TRIM58: variants seen among roughly 807,000 people sequenced by gnomAD.
TRIM58 encodes tripartite motif containing 58, also known as E3 ubiquitin-protein ligase TRIM58.
A neutral mutation model predicts 34.1 loss-of-function variants in TRIM58; 38 were observed. That is an observed-to-expected ratio of 1.12 (90% CI 0.86 to 1.46). The LOEUF (loss-of-function observed/expected upper bound fraction) is 1.46, where lower values mean the gene tolerates loss of function less well. Among genes scored for constraint, TRIM58 ranks in the 40% most tolerant of loss-of-function variants. The pLI, the probability that TRIM58 is intolerant of heterozygous loss-of-function variation, is 0.00. For synonymous variants in TRIM58, 273 were observed against 275.7 expected, an observed-to-expected ratio of 0.99 and a Z score of 0.10; for missense variants, 677 against 642.0, an observed-to-expected ratio of 1.05 and a Z score of -0.59.
chr1:247,861,225 G>A (rs894047345), intron 2 of TRIM58, among the ~76,000 whole-genome samples: 7 of 151,652 alleles, frequency 4.6e-5, no homozygotes, highest in African/African-American at 7.3e-5. Context: ...GCACATGTGC[G>A]TGCACACGTG....
chr1:247,869,501 A>G (rs762999815), intron 5 of TRIM58, among the ~76,000 whole-genome samples: 54 of 152,396 alleles, frequency 3.5e-4, no homozygotes, highest in Non-Finnish European at 6.5e-4. Flanking sequence ...GTCAGTAAAC[A>G]GGATATAGAC....
At chr1:247,867,380 A>G (rs2103328307) in intron 3 of TRIM58, among the ~76,000 whole-genome samples, 1 of 152,286 alleles carries the variant, frequency 6.6e-6, no homozygotes, top group Admixed American at 6.5e-5. Flanking sequence ...GAATTAACCT[A>G]AACTTTGTAT....
chr1:247,875,912 T>C lies in TRIM58; in HGVS notation c.884T>C (p.Leu295Pro), dbSNP rs1659273107. Residue 295 changes from leucine (L) to proline (P), a missense_variant, in exon 6 of 6, where the codon CTG becomes CCG. Physicochemically the swap from Leu to Pro is moderately conservative, Grantham distance 98 (BLOSUM62 -3). Transcript: ENST00000366481. ...ATTCTTTCCGCAGTGGATGTAAAGCTGGATCCCGCCACGGCGCACCCGAGT... is the reference window on the plus strand; with the variant it reads ...ATTCTTTCCGCAGTGGATGTAAAGCCGGATCCCGCCACGGCGCACCCGAGT... ...LLRKFQVDVK[L>P]DPATAHPSLL... The C allele has an allele frequency of 3.7e-6, 6 of 1,611,440 alleles. No individual in the cohort carries two copies. Among genetic ancestry groups the C allele is most frequent in the Non-Finnish European group, 3.4e-6 (4 of 1,178,316 alleles).
chr1:247,872,438 G>A (rs894489188), intron 5 of TRIM58, among the ~76,000 whole-genome samples: 2 of 152,198 alleles, frequency 1.3e-5, no homozygotes, highest in Non-Finnish European at 2.9e-5. Flanking sequence ...TAAACAGGAA[G>A]AGCCATGAAT....
intron 2 of TRIM58, among the ~76,000 whole-genome samples, chr1:247,863,780 G>A (rs571092437): frequency 1.6e-4 from 25 of 152,294 alleles, no homozygotes; most frequent in African/African-American, 5.5e-4. Flanking sequence ...AGCCTGGGAC[G>A]AAGTATGTTC....
intron 1 of TRIM58, among the ~76,000 whole-genome samples, chr1:247,858,219 G>A (rs1288462261): frequency 1.3e-5 from 2 of 152,142 alleles, no homozygotes; most frequent in Non-Finnish European, 2.9e-5. Context: ...GGAGCGGGTG[G>A]CTCTCCATCA....
intron 1 of TRIM58, among the ~76,000 whole-genome samples, chr1:247,857,943 C>T (rs1663679840): frequency 6.6e-6 from 1 of 152,218 alleles, no homozygotes; most frequent in Non-Finnish European, 1.5e-5. Context: ...CTGGTTTCTC[C>T]CGATGCGGAT....
In TRIM58 at chr1:247,876,118, C is replaced by G. The variant is rs1319110187; in HGVS notation, c.1090C>G (p.Gln364Glu). The change falls in exon 6 of 6, where the codon CAA (glutamine) becomes GAA (glutamate). Residue 364 changes from glutamine (Q) to glutamate (E), a missense_variant. Coordinates refer to ENST00000366481, the MANE Select transcript of TRIM58 (RefSeq NM_015431.4). ...EGAEWGLGVCQDTLPRKGETT... is the reference protein window; with the variant it reads ...EGAEWGLGVCEDTLPRKGETT... ...AGCAGAGTGGGGTTTAGGGGTCTGTCAAGACACACTGCCAAGAAAGGGGGA... is the reference window on the plus strand; with the variant it reads ...AGCAGAGTGGGGTTTAGGGGTCTGTGAAGACACACTGCCAAGAAAGGGGGA... 1.9e-6 allele frequency: 3 copies of G among 1,613,956 alleles called. No individual in the cohort carries two copies. The highest frequency in any genetic ancestry group is 1.7e-5 in the Admixed American group (1 of 59,994).
intron 5 of TRIM58, 121 bp downstream of exon 5, chr1:247,868,184 A>C: frequency 3.9e-6 from 3 of 768,732 alleles, no homozygotes; most frequent in Non-Finnish European, 4.3e-6. Flanking sequence ...GTGGTTTGTC[A>C]CTATGCCAGT....
chr1:247,860,498 G>C, intron 1 of TRIM58, 119 bp from the exon 2 acceptor site: 1 of 643,024 alleles, frequency 1.6e-6, no homozygotes, highest in South Asian at 2.1e-5. Context: ...TAATGATATT[G>C]AACATTTTTA....
intron 2 of TRIM58, among the ~76,000 whole-genome samples, chr1:247,862,729 G>A (rs1395862428): frequency 6.6e-6 from 1 of 152,188 alleles, no homozygotes; most frequent in Non-Finnish European, 1.5e-5. Flanking sequence ...TCTAAGCCAA[G>A]TAAACTTGCA....
Position 247,867,945 on chromosome 1 carries a change from T to C in TRIM58, c.771-18T>C. 3 of 1,613,300 alleles carry C rather than the reference T, an allele frequency of 1.9e-6. No individual in the cohort carries two copies. The highest frequency in any genetic ancestry group is 2.5e-6 in the Non-Finnish European group (3 of 1,179,568). ...TGGAGAACCCTGCTGACTTCTGTGG[T>C]TTCTGTGCTCTTCCCAGAAGTAAGG... On this transcript the variant is annotated intron_variant, in intron 4 of 5. Transcript: ENST00000366481.
intron 5 of TRIM58, among the ~76,000 whole-genome samples, chr1:247,874,214 T>TG (rs1391748803): frequency 6.6e-6 from 1 of 152,246 alleles, no homozygotes; most frequent in Non-Finnish European, 1.5e-5. Context: ...GTCATGGTGC[T>TG]GGCACCTGTT....
intron 2 of TRIM58, among the ~76,000 whole-genome samples, chr1:247,862,686 A>G (rs1453219461): frequency 6.6e-6 from 1 of 152,228 alleles, no homozygotes; most frequent in Non-Finnish European, 1.5e-5. Flanking sequence ...TCTACAGATT[A>G]TTCTTAAGTA....
In TRIM58 at chr1:247,860,661, G is replaced by A. The variant is rs1663767127; in HGVS notation, c.465G>A (p.Glu155=). Residue 155 remains glutamate (E), a synonymous_variant, in exon 2 of 6, where the codon GAG becomes GAA. Transcript: ENST00000366481. ...MALELMRKEL[E]DALTQEANVG... is the part of the protein sequence containing the mutation. ...TGGAACTTATGAGGAAAGAGTTGGA[G>A]GACGCCTTGACTCAGGAGGCCAACG... 1 of 1,613,706 alleles carries A rather than the reference G, an allele frequency of 6.2e-7. No individual in the cohort carries two copies. Among genetic ancestry groups the A allele is most frequent in the South Asian group, 1.1e-5 (1 of 91,034 alleles).
chr1:247,866,649 C>T (rs1191220364), intron 3 of TRIM58, among the ~76,000 whole-genome samples: 1 of 152,144 alleles, frequency 6.6e-6, no homozygotes, highest in Non-Finnish European at 1.5e-5. Context: ...GTCACTCACG[C>T]TGGAGTGCAG....
chr1:247,869,529 G>A (rs912009899), intron 5 of TRIM58, among the ~76,000 whole-genome samples: 3 of 152,244 alleles, frequency 2.0e-5, no homozygotes, highest in Non-Finnish European at 2.9e-5. Context: ...ACACTTCACA[G>A]TATCATAGGC....
chr1:247,858,515 C>T (rs1230209660), intron 1 of TRIM58, among the ~76,000 whole-genome samples: 1 of 152,006 alleles, frequency 6.6e-6, no homozygotes, highest in Non-Finnish European at 1.5e-5. Context: ...CTGTCAGTCG[C>T]GCTGTAGTGC....
intron 5 of TRIM58, among the ~76,000 whole-genome samples, chr1:247,871,666 C>G (rs186886054): frequency 1.3e-5 from 2 of 152,302 alleles, no homozygotes; most frequent in African/African-American, 4.8e-5. Context: ...TCAGCAACCT[C>G]ATATCCATAT....
Sources: gnomAD v4.1 joint callset for allele counts (sites outside exome capture counted in the v4.1 genomes callset) on GRCh38, gnomAD v4.1.1 for gene constraint, MANE v1.5 for transcripts, NCBI Gene and HGNC (gene_info 2026-07-23, HGNC 2026-07-21) for gene names.